AGAP1: variants seen among roughly 807,000 people sequenced by gnomAD.
AGAP1 encodes the protein arf-GAP with GTPase, ANK repeat and PH domain-containing protein 1.
Under a neutral mutation model 105.3 loss-of-function variants are expected in AGAP1, and 29 were observed. The observed-to-expected ratio is 0.28, with a 90% CI of 0.21 to 0.38. The LOEUF (loss-of-function observed/expected upper bound fraction) is 0.38. AGAP1 is among the 10% of genes least tolerant of loss of function. The pLI is 1.00. For synonymous variants in AGAP1, 509 were observed against 485.9 expected (o/e 1.05, Z -0.63); for missense variants, 998 against 1,165.1 (o/e 0.86, Z 2.09).
intron 9 of AGAP1, among the ~76,000 whole-genome samples, chr2:235,816,118 A>T (rs1958436425): frequency 6.6e-6 from 1 of 152,196 alleles, no homozygotes; most frequent in Admixed American, 6.5e-5. Flanking sequence ...GGTATAAAAG[A>T]TAGCTATATA....
rs1161133408 is a variant in AGAP1, at chr2:236,095,421, G to A, written c.2115-24771G>A. On this transcript the variant is annotated intron_variant, in intron 16 of 17. Transcript: ENST00000304032. This position sits in a 1 kb window ranked among gnomAD's most constrained non-coding sequence, Gnocchi z 4.1. ...TGGCTGGGCACAGTGGCTCACGTGT[G>A]TAATCCCAGCACTTTTGGAGGCTGA... 6.6e-6 allele frequency among the ~76,000 whole-genome samples: 1 copy of A among 152,108 alleles called. No homozygotes were observed. Among genetic ancestry groups the A allele is most frequent in the African/African-American group, 2.4e-5 (1 of 41,432 alleles).
In AGAP1 at chr2:235,635,433, T is replaced by C. The variant is rs554409317; in HGVS notation, c.164-73746T>C. ...AATAAGCCCTCCTAGGAAAACAAAT[T>C]ACTCTGAAAATTTGTCATTTTGGTG... On this transcript the variant is annotated intron_variant, in intron 1 of 17. Transcript: ENST00000304032. This position sits in a 1 kb window ranked among gnomAD's most constrained non-coding sequence, Gnocchi z 5.3. 5.9e-5 allele frequency among the ~76,000 whole-genome samples: 9 copies of C among 152,274 alleles called. No individual in the cohort carries two copies. The South Asian group carries it at 1.9e-3, about 32-fold the overall frequency.
intron 1 of AGAP1, among the ~76,000 whole-genome samples, chr2:235,589,197 T>TTTTG (rs1945240538): frequency 1.1e-5 from 1 of 93,564 alleles, no homozygotes; most frequent in African/African-American, 6.3e-5. Flanking sequence ...TTGTTTTGTT[T>TTTTG]TTTTTTTTTT....
At chr2:235,806,589 T>C (rs978820026) in intron 8 of AGAP1, among the ~76,000 whole-genome samples, 6 of 152,210 alleles carry the variant, frequency 3.9e-5, no homozygotes, top group South Asian at 4.1e-4. Context: ...CAGGACCTTG[T>C]CAAATAAAGC....
At chr2:235,987,553 A>G (rs886543011) in intron 13 of AGAP1, among the ~76,000 whole-genome samples, 36 of 137,486 alleles carry the variant, frequency 2.6e-4, no homozygotes, top group Admixed American at 2.0e-3. Flanking sequence ...TACTCTATCA[A>G]TTCTTCTCTG....
At position 235,605,368 on chromosome 2, in the gene AGAP1, G is replaced by A. The variant is rs567113624; in HGVS notation, c.164-103811G>A. ...AGGAAAGGGAGATTGTAACCACCCC[G>A]AGGCTGCACAGCTAATACCCAGAGA... is the stretch of plus-strand genomic sequence containing the variant. On this transcript the variant is annotated intron_variant, in intron 1 of 17. Transcript: ENST00000304032. 8.4e-4 allele frequency among the ~76,000 whole-genome samples: 128 copies of A among 152,298 alleles called. 1 individual carries two copies. Among genetic ancestry groups the A allele is most frequent in the African/African-American group, 2.8e-3 (115 of 41,576 alleles).
intron 2 of AGAP1, among the ~76,000 whole-genome samples, chr2:235,711,624 G>A (rs569570925): frequency 6.6e-6 from 1 of 152,296 alleles, no homozygotes; most frequent in South Asian, 2.1e-4. Flanking sequence ...CGAGATCCTG[G>A]CAGGCCCACC....
chr2:236,034,362 A>G (rs976731949), intron 13 of AGAP1, among the ~76,000 whole-genome samples: 1 of 151,656 alleles, frequency 6.6e-6, no homozygotes, highest in African/African-American at 2.4e-5. Flanking sequence ...TGTTGAAGGC[A>G]TGACCTGCAG....
intron 6 of AGAP1, among the ~76,000 whole-genome samples, chr2:235,771,413 C>T (rs144223368): frequency 1.3e-5 from 2 of 152,276 alleles, no homozygotes; most frequent in East Asian, 3.9e-4. Context: ...GAGCAGGGCA[C>T]CCCCAGGAAC....
chr2:235,816,171 CT>C (rs920738176), intron 9 of AGAP1, among the ~76,000 whole-genome samples: 1 of 152,214 alleles, frequency 6.6e-6, no homozygotes, highest in Non-Finnish European at 1.5e-5. Context: ...GGCATAGTGG[CT>C]CACGCCGGTA....
chr2:235,750,206 G>T lies in AGAP1; in HGVS notation c.539-148G>T. 8.7e-7 allele frequency: 1 copy of T among 1,150,366 alleles called. No homozygotes were observed. Among genetic ancestry groups the T allele is most frequent in the African/African-American group, 1.5e-5 (1 of 64,962 alleles). The allele number at this position is 1,150,366 out of a possible 1,614,324, so 71.3% of individuals were successfully genotyped here. A position where few individuals can be genotyped will look rare whatever the true frequency, so the allele number is the denominator to read the frequency against. On this transcript the variant is annotated intron_variant, in intron 5 of 17. Transcript: ENST00000304032. The surrounding 1 kb of genome is among the most constrained non-coding windows in gnomAD (Gnocchi z 5.3). ...TCTTGTGTTTGAGTCTCTTAGTTGG[G>T]AGGCAAACGATGCTCTACAATTCCA...
chr2:236,103,382 G>C (rs994268374), intron 16 of AGAP1, among the ~76,000 whole-genome samples: 3 of 151,968 alleles, frequency 2.0e-5, no homozygotes, highest in Non-Finnish European at 4.4e-5. Context: ...GGGCTGGCTG[G>C]TCCTCATTTT....
chr2:235,521,738 A>ATGTGTG (rs57501632), intron 1 of AGAP1, among the ~76,000 whole-genome samples: 54 of 116,740 alleles, frequency 4.6e-4, no homozygotes, highest in African/African-American at 2.5e-3. Context: ...TGTTTGTTAT[A>ATGTGTG]TATATGTGTG....
At chr2:235,626,374 A>G (rs1296170558) in intron 1 of AGAP1, among the ~76,000 whole-genome samples, 2 of 152,158 alleles carry the variant, frequency 1.3e-5, no homozygotes, top group Admixed American at 6.5e-5. Flanking sequence ...AACGAACTGA[A>G]TATGGCTGAC....
intron 13 of AGAP1, among the ~76,000 whole-genome samples, chr2:235,972,867 C>T (rs1416108112): frequency 6.6e-6 from 1 of 152,166 alleles, no homozygotes; most frequent in African/African-American, 2.4e-5. Flanking sequence ...GTATGTGCTC[C>T]CCTCCATCAT....
At chr2:235,595,883 A>T (rs951623020) in intron 1 of AGAP1, among the ~76,000 whole-genome samples, 6 of 152,232 alleles carry the variant, frequency 3.9e-5, no homozygotes, top group Non-Finnish European at 8.8e-5. Context: ...GAATAAATCA[A>T]CATAAACTAG....
At chr2:235,675,638 A>C (rs1948698422) in intron 1 of AGAP1, among the ~76,000 whole-genome samples, 1 of 152,188 alleles carries the variant, frequency 6.6e-6, no homozygotes, top group Admixed American at 6.5e-5. Context: ...ATTACTCCAG[A>C]TAGCAATTTA....
chr2:236,007,523 C>T lies in AGAP1; in HGVS notation c.1646-29038C>T, dbSNP rs374430436. On this transcript the variant is annotated intron_variant, in intron 13 of 17. Coordinates refer to ENST00000304032, the MANE Select transcript of AGAP1 (RefSeq NM_001037131.3). ...GTGAGAGCACAAGCAGCAGTCATTA[C>T]ATAATTATACCTCTGATTAGTTGGT... Among the ~76,000 whole-genome samples, 8 of 152,330 alleles carry T rather than the reference C, an allele frequency of 5.3e-5. No individual in the cohort carries two copies. The East Asian group carries it at 1.2e-3, about 22-fold the overall frequency.
chr2:235,494,891 G>A, intron 1 of AGAP1, 42 bp downstream of exon 1: 1 of 1,521,754 alleles, frequency 6.6e-7, no homozygotes, highest in Non-Finnish European at 8.8e-7. Flanking sequence ...AGGCACGGAC[G>A]CCCGCGGCGC....
Sources: gnomAD v4.1 joint callset for allele counts (sites outside exome capture counted in the v4.1 genomes callset) on GRCh38, gnomAD v4.1.1 for gene constraint, Gnocchi (gnomAD v3.1) non-coding constraint, MANE v1.5 for transcripts, NCBI Gene and HGNC (gene_info 2026-07-23, HGNC 2026-07-21) for gene names.